XPOT: variants seen among roughly 807,000 people sequenced by gnomAD.
XPOT encodes the protein exportin-T.
XPOT carries 34 observed loss-of-function variants against 128.2 expected under a neutral mutation model. The ratio of observed to expected loss-of-function variants is 0.27; its 90% confidence interval spans 0.20 to 0.35. XPOT has a LOEUF of 0.35. Among genes scored for constraint, XPOT ranks in the 10% least tolerant of loss-of-function variants. The probability of loss-of-function intolerance (pLI) is 1.00; values close to 1 mark genes in which losing one functional copy is unlikely to be tolerated. For missense variants in XPOT, 838 were observed against 1,125.3 expected (o/e 0.74, Z 3.65); for synonymous variants, 348 against 394.3 (o/e 0.88, Z 1.39).
intron 1 of XPOT, among the ~76,000 whole-genome samples, chr12:64,409,249 C>G (rs1402185058): frequency 6.6e-6 from 1 of 152,130 alleles, no homozygotes; most frequent in Admixed American, 6.5e-5. Flanking sequence ...ATTATAATTA[C>G]TGTAATAGTC....
At chr12:64,425,702 C>G (rs1322891928) in intron 14 of XPOT, 113 bp from the exon 15 acceptor site, 1 of 1,105,468 alleles carries the variant, frequency 9.0e-7, no homozygotes, top group African/African-American at 1.6e-5. Flanking sequence ...ATTCCTAGTC[C>G]CTGCCTTTTA....
Position 64,433,750 on chromosome 12 carries a change from A to G in XPOT, c.2452+147A>G, listed in dbSNP as rs73313856. 531 of 659,944 alleles carry G rather than the reference A, an allele frequency of 8.0e-4. 1 individual carries two copies. In the African/African-American group the frequency reaches 9.3e-3, roughly 12 times the overall value. 40.9% of individuals were successfully genotyped at this position (659,944 alleles called of 1,614,324 possible). On this transcript the variant is annotated intron_variant, in intron 19 of 24. Transcript: ENST00000332707. ...ACAGTTTATTGTTTTCAGGGTGGGA[A>G]TTGATCACTTTTATGTAAAGCACCT...
intron 18 of XPOT, among the ~76,000 whole-genome samples, chr12:64,432,299 G>A (rs939159816): frequency 6.6e-6 from 1 of 151,798 alleles, no homozygotes; most frequent in African/African-American, 2.4e-5. Flanking sequence ...AGGCTGGAGT[G>A]CAGTGGCGCG....
At chr12:64,438,469 C>G (rs1030746703) in intron 22 of XPOT, among the ~76,000 whole-genome samples, 1 of 152,108 alleles carries the variant, frequency 6.6e-6, no homozygotes, top group African/African-American at 2.4e-5. Context: ...GGGTTACTGC[C>G]TCTCAGTTAC....
chr12:64,418,389 G>C (rs2040107691), intron 5 of XPOT, among the ~76,000 whole-genome samples: 1 of 152,156 alleles, frequency 6.6e-6, no homozygotes, highest in South Asian at 2.1e-4. Context: ...GACAAATGCT[G>C]CTTTCTGTTT....
intron 18 of XPOT, among the ~76,000 whole-genome samples, 179 bp downstream of exon 18, chr12:64,432,002 AG>A (rs1347358220): frequency 6.6e-6 from 1 of 152,168 alleles, no homozygotes. Context: ...CCTGATACAT[AG>A]GTCATGCTTA....
chr12:64,405,620 T>C (rs2039972174), intron 1 of XPOT, among the ~76,000 whole-genome samples: 1 of 152,146 alleles, frequency 6.6e-6, no homozygotes, highest in African/African-American at 2.4e-5. Flanking sequence ...TTTTTGGGGT[T>C]TTGTTGTTGT....
chr12:64,431,549 A>C lies in XPOT; in HGVS notation c.1988A>C (p.Lys663Thr). ...HAVGFASRTS[K>T]AFSNKQTVKQ... ...TTTTGCTTATATAGTCGAACCAGTAAAGCTTTCAGCAACAAACAGACTGTG... is the reference window on the plus strand; with the variant it reads ...TTTTGCTTATATAGTCGAACCAGTACAGCTTTCAGCAACAAACAGACTGTG... Residue 663 changes from lysine (K) to threonine (T), a missense_variant, in exon 18 of 25, where the codon AAA (lysine) becomes ACA (threonine). Physicochemically the swap from Lys to Thr is moderately conservative, Grantham distance 78 (BLOSUM62 -1). Around this residue, in one of 3 missense-constraint regions of XPOT, gnomAD observed 761 missense variants for 988.3 expected, o/e 0.77. Coordinates refer to ENST00000332707, the MANE Select transcript of XPOT (RefSeq NM_007235.6). 2 of 1,613,454 alleles carry C rather than the reference A, an allele frequency of 1.2e-6. No homozygotes were observed. Among genetic ancestry groups the C allele is most frequent in the Non-Finnish European group, 1.7e-6 (2 of 1,179,404 alleles).
rs1592523410 is a variant in XPOT at position 64,409,913 on chromosome 12, T to A, written c.-74-49T>A. 4.0e-6 allele frequency: 3 copies of A among 750,090 alleles called. No individual in the cohort carries two copies. The East Asian group carries it at 7.4e-5, about 18-fold the overall frequency. 46.5% of individuals were successfully genotyped at this position (750,090 alleles called of 1,614,324 possible). ...ATTTACGTTATTCAGGATAAGCATC[T>A]ATTTGTTTATCAAGTAATGTTTTCT... On this transcript the variant is annotated intron_variant, in intron 1 of 24. Transcript: ENST00000332707.
chr12:64,419,462 C>T (rs2040118644), intron 6 of XPOT, among the ~76,000 whole-genome samples: 1 of 152,106 alleles, frequency 6.6e-6, no homozygotes, highest in African/African-American at 2.4e-5. Flanking sequence ...GGATTATAGG[C>T]ACATGCCACC....
chr12:64,422,887 A>G (rs2040152619), intron 9 of XPOT, 118 bp from the exon 10 acceptor site: 1 of 983,048 alleles, frequency 1.0e-6, no homozygotes, highest in Admixed American at 2.8e-5. Flanking sequence ...TGGGCAACAG[A>G]GCAAGACCTT....
At chr12:64,438,628 A>ATT (rs1186531452) in intron 22 of XPOT, among the ~76,000 whole-genome samples, 2 of 140,732 alleles carry the variant, frequency 1.4e-5, no homozygotes, top group African/African-American at 2.6e-5. Context: ...AGATACATTG[A>ATT]TTTTTTTTTT....
At chr12:64,415,422 T>G (rs558831734) in intron 3 of XPOT, among the ~76,000 whole-genome samples, 116 of 152,252 alleles carry the variant, frequency 7.6e-4, no homozygotes, top group African/African-American at 2.7e-3. Context: ...TCGCCCAGGC[T>G]GAAGTGCAGT....
Position 64,449,370 on chromosome 12 carries a change from T to G in XPOT, c.*1239T>G, listed in dbSNP as rs1484465862. 1.3e-5 allele frequency: 2 copies of G among 152,220 alleles called. No individual in the cohort carries two copies. The highest frequency in any genetic ancestry group is 4.8e-5 in the African/African-American group (2 of 41,454). The allele number at this position is 152,220 out of a possible 1,614,324, so 9.4% of individuals were successfully genotyped here. On this transcript the variant is annotated 3_prime_UTR_variant, in exon 25 of 25. Transcript: ENST00000332707. ...GCCTTCCTCCATTTTTATTCATGGC[T>G]ACTTGAGAAAGCAAAAGGAAAAAAT...
intron 2 of XPOT, among the ~76,000 whole-genome samples, chr12:64,414,041 T>C (rs1454713152): frequency 6.6e-6 from 1 of 152,242 alleles, no homozygotes; most frequent in African/African-American, 2.4e-5. Context: ...TGCTTCCAGT[T>C]GATGTGCAAT....
chr12:64,410,735 G>T (rs2040030487), intron 2 of XPOT, among the ~76,000 whole-genome samples: 1 of 152,150 alleles, frequency 6.6e-6, no homozygotes, highest in South Asian at 2.1e-4. Flanking sequence ...ATTATAAAGT[G>T]CTGGGATAGT....
chr12:64,433,649 A>G lies in XPOT; in HGVS notation c.2452+46A>G, dbSNP rs1238665556. 6 of 1,522,134 alleles carry G rather than the reference A, an allele frequency of 3.9e-6. No individual in the cohort carries two copies. In the Admixed American group the frequency reaches 1.2e-4, roughly 31 times the overall value. 94.3% of individuals were successfully genotyped at this position (1,522,134 alleles called of 1,614,324 possible). The stretch of plus-strand genomic sequence containing the variant: ...TAATTTGTCTGCTTAAGTCTGTGTC[A>G]CTGTTGTACATCTATATGACCAAGA... On this transcript the variant is annotated intron_variant, in intron 19 of 24. Coordinates refer to ENST00000332707, the MANE Select transcript of XPOT (RefSeq NM_007235.6).
At chr12:64,425,934 T>A in intron 15 of XPOT, 25 bp downstream of exon 15, 1 of 1,593,050 alleles carries the variant, frequency 6.3e-7, no homozygotes, top group Non-Finnish European at 8.6e-7. Context: ...GCAGCTATTA[T>A]GTTTAGTTAT....
chr12:64,409,997 G>A lies in XPOT; in HGVS notation c.-39G>A, dbSNP rs373281732. 58 of 1,571,262 alleles carry A rather than the reference G, an allele frequency of 3.7e-5. No homozygotes were observed. Among genetic ancestry groups the A allele is most frequent in the Middle Eastern group, 3.3e-4 (2 of 6,006 alleles). On this transcript the variant is annotated 5_prime_UTR_variant, in exon 2 of 25. Transcript: ENST00000332707. ...ATTCTTCTGTGGGATCAGAGGGCAC[G>A]CCTATTACAACCAGAAAACTACAAG...
Sources: gnomAD v4.1 joint callset for allele counts (sites outside exome capture counted in the v4.1 genomes callset) on GRCh38, gnomAD v4.1.1 for gene constraint, gnomAD v4.1.1 regional missense constraint, MANE v1.5 for transcripts, NCBI Gene and HGNC (gene_info 2026-07-23, HGNC 2026-07-21) for gene names.